Variants in ARMC2 observed in about 807,000 individuals in gnomAD.
The protein encoded by ARMC2 is armadillo repeat containing 2.
ARMC2 carries 67 observed loss-of-function variants against 90.3 expected under a neutral mutation model. That is an observed-to-expected ratio of 0.74 (90% CI 0.61 to 0.91). The LOEUF (loss-of-function observed/expected upper bound fraction) is 0.91. Ranked by LOEUF, ARMC2 falls within the 40% of genes least tolerant of loss-of-function variation. The pLI, the probability that ARMC2 is intolerant of heterozygous loss-of-function variation, is 0.00. For missense variants in ARMC2, 920 were observed against 1,030.9 expected, an observed-to-expected ratio of 0.89 and a Z score of 1.47; for synonymous variants, 393 against 393.0, an observed-to-expected ratio of 1.00 and a Z score of 0.00.
chr6:108,931,641 T>C (rs984018345), intron 11 of ARMC2, among the ~76,000 whole-genome samples: 5 of 151,972 alleles, frequency 3.3e-5, no homozygotes, highest in Non-Finnish European at 7.3e-5. Flanking sequence ...TGGTATCTCA[T>C]TGTGGCTTTG....
chr6:108,869,326 G>A (rs1235907003), intron 4 of ARMC2, among the ~76,000 whole-genome samples: 2 of 152,066 alleles, frequency 1.3e-5, no homozygotes, highest in African/African-American at 4.8e-5. Flanking sequence ...TGGCCAACAT[G>A]GTAAAACCCT....
intron 10 of ARMC2, among the ~76,000 whole-genome samples, chr6:108,913,089 T>G (rs1714528066): frequency 6.6e-6 from 1 of 152,142 alleles, no homozygotes; most frequent in Admixed American, 6.5e-5. Flanking sequence ...TAGACCAATT[T>G]TGTTATATGT....
At chr6:108,932,940 G>T (rs1775694050) in intron 11 of ARMC2, among the ~76,000 whole-genome samples, 2 of 152,116 alleles carry the variant, frequency 1.3e-5, no homozygotes, top group Non-Finnish European at 2.9e-5. Context: ...TTTTGTACCA[G>T]TACCATGCTG....
chr6:108,860,647 G>A (rs1301686345), intron 3 of ARMC2, among the ~76,000 whole-genome samples: 2 of 136,792 alleles, frequency 1.5e-5, no homozygotes, highest in Admixed American at 7.7e-5. Flanking sequence ...GGGCGACAGA[G>A]CAAGACTCCA....
intron 5 of ARMC2, among the ~76,000 whole-genome samples, chr6:108,888,040 G>T (rs945409786): frequency 6.6e-6 from 1 of 152,216 alleles, no homozygotes; most frequent in Non-Finnish European, 1.5e-5. Context: ...ATTTTAGGCT[G>T]CAGCGTTACG....
At chr6:108,925,749 A>C (rs1018686653) in intron 10 of ARMC2, among the ~76,000 whole-genome samples, 1 of 152,184 alleles carries the variant, frequency 6.6e-6, no homozygotes. Context: ...TGTATTTTTC[A>C]AATGTATGGT....
chr6:108,910,906 T>C lies in ARMC2; in HGVS notation c.1031T>C (p.Val344Ala). The C allele has an allele frequency of 6.5e-7, 1 of 1,527,518 alleles. No homozygotes were observed. Among genetic ancestry groups the C allele is most frequent in the East Asian group, 2.3e-5 (1 of 43,364 alleles). 94.6% of individuals were successfully genotyped at this position (1,527,518 alleles called of 1,614,324 possible). Residue 344 changes from valine to alanine, a missense_variant, in exon 9 of 18, where the codon GTG (valine) becomes GCG (alanine). Physicochemically the swap from Val to Ala is moderately conservative, Grantham distance 64 (BLOSUM62 0). Coordinates refer to ENST00000392644, the MANE Select transcript of ARMC2 (RefSeq NM_032131.6). ...KLAKIILALK[V>A]SRKNLLNVCK... ...GTGTTTCTTTCTCTGCAGCTTAAAG[T>C]GAGTAGAAAGAATCTTCTTAATGTC...
the ARMC2 span, among the ~76,000 whole-genome samples, chr6:109,047,654 G>A: frequency 1.4e-5 from 2 of 146,284 alleles, no homozygotes; most frequent in African/African-American, 5.0e-5. Flanking sequence ...GAATAGAAAG[G>A]GGGGAAAGGT....
chr6:108,851,025 C>T (rs1773959025), intron 1 of ARMC2, among the ~76,000 whole-genome samples: 1 of 152,192 alleles, frequency 6.6e-6, no homozygotes, highest in South Asian at 2.1e-4. Flanking sequence ...GATCTTTGCC[C>T]TCCTTTCCTT....
At chr6:108,894,446 T>G in intron 5 of ARMC2, 21 bp from the exon 6 acceptor site, 1 of 1,594,916 alleles carries the variant, frequency 6.3e-7, no homozygotes, top group Non-Finnish European at 8.5e-7. Context: ...TTGCGCTGAG[T>G]GTTTTATGTA....
At position 108,928,264 on chromosome 6, in the gene ARMC2, C is replaced by T. The variant is rs146368758; in HGVS notation, c.1496+31C>T. 449 of 1,423,052 alleles carry T rather than the reference C, an allele frequency of 3.2e-4. 2 individuals carry two copies. The African/African-American group carries it at 5.9e-3, about 19-fold the overall frequency. The allele number at this position is 1,423,052 out of a possible 1,614,324, so 88.2% of individuals were successfully genotyped here. On this transcript the variant is annotated intron_variant, in intron 11 of 17. Transcript: ENST00000392644. ...TAGACTAAGACGTGAAGTAGCCTTACAAAAATGCTAATGCTTAGATTTGGG... is the reference window on the plus strand; with the variant it reads ...TAGACTAAGACGTGAAGTAGCCTTATAAAAATGCTAATGCTTAGATTTGGG...
chr6:108,939,766 T>C (rs1301722875), intron 12 of ARMC2, among the ~76,000 whole-genome samples: 2 of 152,252 alleles, frequency 1.3e-5, no homozygotes, highest in African/African-American at 4.8e-5. Context: ...TACAGTAACA[T>C]GCTTATTCAG....
At chr6:108,852,500 G>A (rs1419020689) in intron 1 of ARMC2, among the ~76,000 whole-genome samples, 3 of 152,108 alleles carry the variant, frequency 2.0e-5, no homozygotes, top group Non-Finnish European at 2.9e-5. Flanking sequence ...ATTCCTATAT[G>A]CCCCCAGGTA....
rs370788025 is a variant in ARMC2 at position 108,876,188 on chromosome 6, C to G, written c.509C>G (p.Ser170Cys). Reference protein sequence around the residue: ...ESKETVMMGDSMVKINGIYLT... With the variant: ...ESKETVMMGDCMVKINGIYLT... ...AAAGAAACAGTTATGATGGGGGACT[C>G]TATGGTGAAAATAAATGGGATTTAT... Residue 170 changes from serine (S) to cysteine (C), a missense_variant, in exon 5 of 18, where the codon TCT becomes TGT. Ser to Cys is a moderately radical substitution (Grantham distance 112). Transcript: ENST00000392644. 6.8e-6 allele frequency: 11 copies of G among 1,612,618 alleles called. No individual in the cohort carries two copies. Among genetic ancestry groups the G allele is most frequent in the East Asian group, 4.5e-5 (2 of 44,814 alleles).
intron 8 of ARMC2, among the ~76,000 whole-genome samples, chr6:108,905,247 G>A (rs1284414606): frequency 6.6e-6 from 1 of 152,164 alleles, no homozygotes. Flanking sequence ...TAGTTAATAA[G>A]AATGCCACCT....
chr6:108,949,849 A>G (rs1478676428), intron 12 of ARMC2, among the ~76,000 whole-genome samples: 1 of 152,228 alleles, frequency 6.6e-6, no homozygotes, highest in African/African-American at 2.4e-5. Context: ...TTAAAGAATG[A>G]GAAGATGACC....
chr6:108,995,018 A>C, the ARMC2 span, among the ~76,000 whole-genome samples: 5 of 152,152 alleles, frequency 3.3e-5, no homozygotes, highest in Non-Finnish European at 5.9e-5. Context: ...TTTATATCTT[A>C]GTAGAATATA....
intron 11 of ARMC2, among the ~76,000 whole-genome samples, chr6:108,934,031 T>G (rs958223978): frequency 1.3e-5 from 2 of 152,192 alleles, no homozygotes; most frequent in South Asian, 2.1e-4. Flanking sequence ...CCAGCTAATT[T>G]TTGTATTTTT....
At chr6:109,032,041 C>T in the ARMC2 span, among the ~76,000 whole-genome samples, 1 of 152,024 alleles carries the variant, frequency 6.6e-6, no homozygotes, top group African/African-American at 2.4e-5. Flanking sequence ...GTGGAATTTT[C>T]CGCGGATCAC....
Sources: gnomAD v4.1 joint callset for allele counts (sites outside exome capture counted in the v4.1 genomes callset) on GRCh38, gnomAD v4.1.1 for gene constraint, MANE v1.5 for transcripts, NCBI Gene and HGNC (gene_info 2026-07-23, HGNC 2026-07-21) for gene names.